The following SPAG9 variants were observed in gnomAD, a reference collection of about 807,000 sequenced individuals.
SPAG9 encodes the protein sperm associated antigen 9.
Under a neutral mutation model 166.5 loss-of-function variants are expected in SPAG9, and 35 were observed. The observed-to-expected ratio is 0.21, with a 90% CI of 0.16 to 0.28. The LOEUF (loss-of-function observed/expected upper bound fraction) is 0.28. Among genes scored for constraint, SPAG9 ranks in the 10% least tolerant of loss-of-function variants. The pLI is 1.00. For missense variants in SPAG9, 1,235 were observed against 1,603.3 expected (o/e 0.77, Z 3.92); for synonymous variants, 534 against 565.5 (o/e 0.94, Z 0.79).
chr17:51,109,821 C>A (rs1181815259), intron 1 of SPAG9, among the ~76,000 whole-genome samples: 1 of 152,036 alleles, frequency 6.6e-6, no homozygotes, highest in Non-Finnish European at 1.5e-5. Flanking sequence ...GTGCGATCCT[C>A]CTGCCTCGGC....
intron 1 of SPAG9, among the ~76,000 whole-genome samples, chr17:51,084,929 C>A (rs2048266635): frequency 6.6e-6 from 1 of 152,142 alleles, no homozygotes; most frequent in African/African-American, 2.4e-5. Flanking sequence ...TGGCTCACTG[C>A]AGCCTCCACC....
Position 50,963,973 on chromosome 17 carries a change from C to G in SPAG9, c.*2299G>C, listed in dbSNP as rs762424213. 2 of 152,200 alleles carry G rather than the reference C, an allele frequency of 1.3e-5. No individual in the cohort carries two copies. Among genetic ancestry groups the G allele is most frequent in the African/African-American group, 2.4e-5 (1 of 41,456 alleles). 9.4% of individuals were successfully genotyped at this position (152,200 alleles called of 1,614,324 possible). ...AGCTTTTACCAAAACAGTTTTAATA[C>G]ATGAGTGGCTACAATTTTATTGTGT... On this transcript the variant is annotated 3_prime_UTR_variant, in exon 30 of 30. Transcript: ENST00000262013.
intron 6 of SPAG9, among the ~76,000 whole-genome samples, chr17:51,028,569 C>T (rs549239942): frequency 6.6e-6 from 1 of 152,246 alleles, no homozygotes; most frequent in South Asian, 2.1e-4. Context: ...AGCAACAGGC[C>T]ATACCATATA....
Position 51,120,363 on chromosome 17 carries a change from G to A in SPAG9, c.294C>T (p.His98=). 6.3e-7 allele frequency: 1 copy of A among 1,592,640 alleles called. No homozygotes were observed. The highest frequency in any genetic ancestry group is 8.5e-7 in the Non-Finnish European group (1 of 1,171,274). ...QYEREKALRK[H]AEEKFIEFED... ...CTGCCGCCGGCCTCACCTCCTCAGC[G>A]TGCTTGCGCAGCGCCTTCTCCCGCT... Residue 98 remains histidine (H), a synonymous_variant, in exon 1 of 30, where the codon CAC becomes CAT. Coordinates refer to ENST00000262013, the MANE Select transcript of SPAG9 (RefSeq NM_001130528.3). This position sits in a 1 kb window ranked among gnomAD's most constrained non-coding sequence, Gnocchi z 4.7.
chr17:51,070,055 A>C (rs946291273), intron 2 of SPAG9, among the ~76,000 whole-genome samples: 2 of 150,152 alleles, frequency 1.3e-5, no homozygotes, highest in African/African-American at 4.9e-5. Flanking sequence ...AAACACAGGA[A>C]TTAGACCCTC....
At chr17:51,035,849 G>GA (rs1003706229) in intron 5 of SPAG9, among the ~76,000 whole-genome samples, 30 of 152,172 alleles carry the variant, frequency 2.0e-4, no homozygotes, top group African/African-American at 7.2e-4. Context: ...GCTCTTCAAA[G>GA]AAAAAAATAC....
rs1191847923 is a variant in SPAG9, at chr17:50,996,678, C to T, written c.1855G>A (p.Ala619Thr). Residue 619 changes from alanine (A) to threonine (T), a missense_variant, in exon 16 of 30, where the codon GCC becomes ACC. By Grantham distance (58) the Ala-to-Thr change is moderately conservative. This residue lies in a region of SPAG9 where 493 missense variants were observed against 559.4 expected (regional missense o/e 0.88). Coordinates refer to ENST00000262013, the MANE Select transcript of SPAG9 (RefSeq NM_001130528.3). ...TCTCTCTTTTGTTCTCTGCGTGAGG[C>T]TAAACTAGCTTCAGTTCTAAAAGGA... ...FLSEETEASL[A>T]SRREQKREQY... 2 of 1,613,954 alleles carry T rather than the reference C, an allele frequency of 1.2e-6. No individual in the cohort carries two copies. The highest frequency in any genetic ancestry group is 8.5e-7 in the Non-Finnish European group (1 of 1,180,006).
intron 12 of SPAG9, 84 bp from the exon 13 acceptor site, chr17:51,001,929 G>C (rs2044970882): frequency 7.7e-7 from 1 of 1,297,068 alleles, no homozygotes; most frequent in Non-Finnish European, 1.1e-6. Flanking sequence ...AAATCTTTCA[G>C]TTTTTAAGCA....
At chr17:51,112,287 A>C (rs919227001) in intron 1 of SPAG9, among the ~76,000 whole-genome samples, 1 of 146,960 alleles carries the variant, frequency 6.8e-6, no homozygotes, top group Non-Finnish European at 1.5e-5. Context: ...CAATCCCAAC[A>C]CTTTGGGAGG....
intron 6 of SPAG9, among the ~76,000 whole-genome samples, chr17:51,030,467 T>G (rs2046342222): frequency 6.6e-6 from 1 of 152,152 alleles, no homozygotes; most frequent in African/African-American, 2.4e-5. Context: ...ACAAATATAC[T>G]TTTATACCTA....
At position 50,974,933 on chromosome 17, in the gene SPAG9, C is replaced by G. The variant is rs1361356818; in HGVS notation, c.3538G>C (p.Gly1180Arg). 2 of 1,609,220 alleles carry G rather than the reference C, an allele frequency of 1.2e-6. No individual in the cohort carries two copies. Among genetic ancestry groups the G allele is most frequent in the African/African-American group, 1.3e-5 (1 of 74,692 alleles). The change falls in exon 28 of 30, where the codon GGT becomes CGT. Residue 1180 changes from glycine to arginine, a missense_variant. Gly to Arg is a moderately radical substitution (Grantham distance 125). Transcript: ENST00000262013. The stretch of plus-strand genomic sequence containing the variant: ...CTTCCAGGACGATTTCCTGGTACAC[C>G]TGAGGTTTTATTTGCTGCAACAGAA... ...IPLTETNKTS[G>R]VPGNRPGSVI...
intron 6 of SPAG9, among the ~76,000 whole-genome samples, chr17:51,023,199 G>T (rs1028036523): frequency 1.4e-5 from 2 of 147,678 alleles, no homozygotes; most frequent in African/African-American, 4.9e-5. Context: ...GTAACTATTT[G>T]TATAATTCTA....
intron 1 of SPAG9, among the ~76,000 whole-genome samples, chr17:51,117,258 T>C (rs2049316422): frequency 6.6e-6 from 1 of 152,176 alleles, no homozygotes; most frequent in South Asian, 2.1e-4. Context: ...CACACATTCC[T>C]AAAACATTCT....
At chr17:50,988,453 AG>A (rs1471517009) in intron 21 of SPAG9, among the ~76,000 whole-genome samples, 4 of 152,196 alleles carry the variant, frequency 2.6e-5, no homozygotes, top group African/African-American at 7.2e-5. Context: ...TCTCATCTAG[AG>A]GGGATCTAGA....
intron 4 of SPAG9, among the ~76,000 whole-genome samples, chr17:51,045,080 A>C (rs2046972358): frequency 6.6e-6 from 1 of 152,204 alleles, no homozygotes; most frequent in Non-Finnish European, 1.5e-5. Flanking sequence ...CAACGGGGTA[A>C]GTCCCATCAG....
chr17:50,988,586 T>C (rs1325999539), intron 21 of SPAG9, among the ~76,000 whole-genome samples: 1 of 152,176 alleles, frequency 6.6e-6, no homozygotes, highest in Admixed American at 6.5e-5. Flanking sequence ...AGAGTCTTGT[T>C]CTGTTTCCCA....
rs1973218745 is a variant in SPAG9 at position 50,963,668 on chromosome 17, CA to C, written c.*2603del. ...CCTGATTTCCTAAATTACATTCAGT[CA>C]TACAAACATGGCTGAACAACAGCAA... is the stretch of plus-strand genomic sequence containing the variant. On this transcript the variant is annotated 3_prime_UTR_variant, in exon 30 of 30. Coordinates refer to ENST00000262013, the MANE Select transcript of SPAG9 (RefSeq NM_001130528.3). 6.6e-6 allele frequency: 1 copy of C among 152,228 alleles called. No homozygotes were observed. Among genetic ancestry groups the C allele is most frequent in the Non-Finnish European group, 1.5e-5 (1 of 68,044 alleles). 9.4% of individuals were successfully genotyped at this position (152,228 alleles called of 1,614,324 possible). A position where few individuals can be genotyped will look rare whatever the true frequency, so the allele number is the denominator to read the frequency against.
intron 1 of SPAG9, among the ~76,000 whole-genome samples, chr17:51,109,216 C>T (rs979147643): frequency 9.9e-5 from 15 of 151,788 alleles, no homozygotes; most frequent in African/African-American, 3.6e-4. Flanking sequence ...TTATATATTT[C>T]ACATTTAAAT....
intron 1 of SPAG9, among the ~76,000 whole-genome samples, chr17:51,081,869 C>A (rs1473331954): frequency 6.6e-6 from 1 of 152,136 alleles, no homozygotes; most frequent in East Asian, 1.9e-4. Flanking sequence ...TTGACATCAT[C>A]CCCTACTTCT....
Sources: allele counts gnomAD v4.1 joint callset (sites outside exome capture counted in the v4.1 genomes callset), GRCh38; gene constraint gnomAD v4.1.1; regional missense constraint gnomAD v4.1.1; non-coding constraint Gnocchi (gnomAD v3.1); transcripts MANE v1.5; gene names NCBI Gene and HGNC (gene_info 2026-07-23, HGNC 2026-07-21).